Variants in MYRIP observed in about 807,000 individuals in gnomAD.
The protein encoded by MYRIP is myosin VIIA and Rab interacting protein, also known as rab effector MyRIP.
In MYRIP, 49 loss-of-function variants were observed where a neutral mutation model predicts 98.0. That is an observed-to-expected ratio of 0.50 (90% CI 0.40 to 0.63). MYRIP has a LOEUF of 0.63. MYRIP is among the 30% of genes least tolerant of loss of function. The pLI is 0.00. For missense variants in MYRIP, 1,004 were observed against 1,058.2 expected (o/e 0.95, Z 0.71); for synonymous variants, 404 against 409.5 (o/e 0.99, Z 0.16).
chr3:40,221,119 T>C (rs1475177322), intron 11 of MYRIP, among the ~76,000 whole-genome samples: 1 of 151,292 alleles, frequency 6.6e-6, no homozygotes, highest in Non-Finnish European at 1.5e-5. Context: ...ACTTTAATTG[T>C]ATTACAATTT....
chr3:39,812,562 A>C (rs1395860349), intron 1 of MYRIP, among the ~76,000 whole-genome samples: 1 of 152,248 alleles, frequency 6.6e-6, no homozygotes, highest in Non-Finnish European at 1.5e-5. Context: ...GGGTGAATTA[A>C]AGTAATGCAA....
At chr3:40,140,813 A>G (rs1172494093) in intron 3 of MYRIP, among the ~76,000 whole-genome samples, 3 of 152,158 alleles carry the variant, frequency 2.0e-5, no homozygotes, top group Non-Finnish European at 4.4e-5. Flanking sequence ...TATGGAGTAC[A>G]TGAGATATTT....
chr3:39,819,160 C>A (rs917794826), intron 1 of MYRIP, among the ~76,000 whole-genome samples: 4 of 152,058 alleles, frequency 2.6e-5, no homozygotes, highest in Non-Finnish European at 5.9e-5. Context: ...ACCAGCCTGA[C>A]CAACATGGTG....
intron 1 of MYRIP, among the ~76,000 whole-genome samples, chr3:39,890,141 C>T (rs906006268): frequency 6.6e-6 from 1 of 151,984 alleles, no homozygotes; most frequent in Non-Finnish European, 1.5e-5. Flanking sequence ...TCCTCCATAT[C>T]TAGAATATTC....
chr3:39,869,724 T>C (rs1942727824), intron 1 of MYRIP, among the ~76,000 whole-genome samples: 1 of 152,166 alleles, frequency 6.6e-6, no homozygotes, highest in African/African-American at 2.4e-5. Context: ...ACATTATCCA[T>C]AGCACTTACT....
At chr3:39,840,567 G>A (rs1251730718) in intron 1 of MYRIP, among the ~76,000 whole-genome samples, 1 of 151,020 alleles carries the variant, frequency 6.6e-6, no homozygotes, top group Non-Finnish European at 1.5e-5. Flanking sequence ...TTTTCATAGT[G>A]TTGATTTGAT....
intron 2 of MYRIP, among the ~76,000 whole-genome samples, chr3:40,017,993 A>G (rs1026186719): frequency 7.9e-5 from 12 of 152,194 alleles, no homozygotes; most frequent in African/African-American, 2.7e-4. Context: ...CTCATGCAAA[A>G]TGAGAGAATT....
chr3:40,065,276 C>A (rs1948102660), intron 3 of MYRIP, among the ~76,000 whole-genome samples: 2 of 152,126 alleles, frequency 1.3e-5, no homozygotes, highest in Admixed American at 1.3e-4. Flanking sequence ...ATAATGACAC[C>A]CATATTGGAC....
chr3:40,014,888 G>C (rs1042913073), intron 2 of MYRIP, among the ~76,000 whole-genome samples: 4 of 152,310 alleles, frequency 2.6e-5, no homozygotes, highest in Admixed American at 6.5e-5. Flanking sequence ...GTCTGGGCTT[G>C]AGTTACCTCT....
intron 3 of MYRIP, among the ~76,000 whole-genome samples, chr3:40,070,742 T>C (rs376068746): frequency 8.5e-5 from 13 of 152,238 alleles, no homozygotes; most frequent in Middle Eastern, 3.4e-3. Flanking sequence ...AAAGTTGCCT[T>C]CCATAAAACC....
intron 3 of MYRIP, among the ~76,000 whole-genome samples, chr3:40,107,317 G>GT (rs1325232553): frequency 6.6e-6 from 1 of 152,160 alleles, no homozygotes; most frequent in Non-Finnish European, 1.5e-5. Flanking sequence ...ATGCTCTGCT[G>GT]TTGTTGTCTT....
chr3:40,014,574 C>A (rs1459787054), intron 2 of MYRIP, among the ~76,000 whole-genome samples: 2 of 152,182 alleles, frequency 1.3e-5, no homozygotes, highest in Non-Finnish European at 2.9e-5. Context: ...GTCATCCCTC[C>A]ACTGTGCCTC....
intron 2 of MYRIP, among the ~76,000 whole-genome samples, chr3:39,914,676 A>G (rs1261883845): frequency 6.6e-6 from 1 of 152,146 alleles, no homozygotes; most frequent in Non-Finnish European, 1.5e-5. Flanking sequence ...AAACAGAAGG[A>G]GGAACATATC....
At chr3:39,924,128 T>C (rs1266615899) in intron 2 of MYRIP, among the ~76,000 whole-genome samples, 1 of 152,020 alleles carries the variant, frequency 6.6e-6, no homozygotes, top group African/African-American at 2.4e-5. Flanking sequence ...ATTTAAGCCC[T>C]AACACATCAA....
chr3:40,184,849 C>A (rs111728529), intron 9 of MYRIP, among the ~76,000 whole-genome samples: 2,264 of 152,214 alleles, frequency 0.015, 40 homozygotes, highest in South Asian at 0.065. Context: ...GCATCACACA[C>A]CCAAAAAAAG....
At chr3:40,164,933 G>A (rs1484656176) in intron 5 of MYRIP, among the ~76,000 whole-genome samples, 2 of 152,194 alleles carry the variant, frequency 1.3e-5, no homozygotes, top group African/African-American at 4.8e-5. Context: ...TATCTTGGAA[G>A]GTACATGAGA....
At chr3:39,957,342 G>T (rs975963214) in intron 2 of MYRIP, among the ~76,000 whole-genome samples, 3 of 150,428 alleles carry the variant, frequency 2.0e-5, no homozygotes, top group Non-Finnish European at 2.9e-5. Context: ...GATCAAGTGG[G>T]CTTCATCCCT....
At chr3:40,158,543 G>A (rs1463918181) in intron 4 of MYRIP, among the ~76,000 whole-genome samples, 1 of 151,988 alleles carries the variant, frequency 6.6e-6, no homozygotes, top group Non-Finnish European at 1.5e-5. Flanking sequence ...TCAATTCCTG[G>A]GTATCCTTGT....
At chr3:39,852,327 A>G (rs1356253992) in intron 1 of MYRIP, among the ~76,000 whole-genome samples, 1 of 152,206 alleles carries the variant, frequency 6.6e-6, no homozygotes, top group Non-Finnish European at 1.5e-5. Context: ...CCACCCAGGC[A>G]GGGAGTACAA....
Sources: allele counts gnomAD v4.1 joint callset (sites outside exome capture counted in the v4.1 genomes callset), GRCh38; gene constraint gnomAD v4.1.1; transcripts MANE v1.5; gene names NCBI Gene and HGNC (gene_info 2026-07-23, HGNC 2026-07-21).